The following DCLK2 variants were observed in gnomAD, a reference collection of about 807,000 sequenced individuals.
The protein encoded by DCLK2 is serine/threonine-protein kinase DCLK2.
Under a neutral mutation model 78.4 loss-of-function variants are expected in DCLK2, and 31 were observed. The observed-to-expected ratio is 0.40, with a 90% CI of 0.30 to 0.53. The LOEUF (loss-of-function observed/expected upper bound fraction) is 0.53. DCLK2 is among the 20% of genes least tolerant of loss of function. The pLI, the probability that DCLK2 is intolerant of heterozygous loss-of-function variation, is 0.61. For synonymous variants in DCLK2, 407 were observed against 374.9 expected (o/e 1.09, Z -0.99); for missense variants, 872 against 973.7 (o/e 0.90, Z 1.39).
At chr4:150,094,620 A>G (rs1318114043) in intron 1 of DCLK2, among the ~76,000 whole-genome samples, 4 of 152,232 alleles carry the variant, frequency 2.6e-5, no homozygotes, top group Non-Finnish European at 5.9e-5. Flanking sequence ...TGAGCCTCCC[A>G]AAGTCATTCT....
At chr4:150,187,333 T>A (rs1738031215) in intron 2 of DCLK2, among the ~76,000 whole-genome samples, 1 of 152,094 alleles carries the variant, frequency 6.6e-6, no homozygotes, top group Admixed American at 6.5e-5. Flanking sequence ...ACCCAGCCCA[T>A]TTTATGACTA....
intron 2 of DCLK2, among the ~76,000 whole-genome samples, chr4:150,111,201 G>A (rs1731669915): frequency 6.6e-6 from 1 of 151,976 alleles, no homozygotes; most frequent in Non-Finnish European, 1.5e-5. Context: ...TGGTAGGTAT[G>A]TCATTGTGGT....
intron 2 of DCLK2, among the ~76,000 whole-genome samples, chr4:150,165,897 G>A (rs537437361): frequency 6.6e-6 from 1 of 152,188 alleles, no homozygotes; most frequent in Non-Finnish European, 1.5e-5. Context: ...GGGAGTAGGT[G>A]AGTTATGAGA....
At chr4:150,132,350 A>G (rs1733375625) in intron 2 of DCLK2, among the ~76,000 whole-genome samples, 1 of 152,194 alleles carries the variant, frequency 6.6e-6, no homozygotes, top group Non-Finnish European at 1.5e-5. Context: ...TTCAGTGGGT[A>G]ATGTGGACTG....
At chr4:150,245,970 C>T (rs567837828) in intron 12 of DCLK2, among the ~76,000 whole-genome samples, 9 of 152,086 alleles carry the variant, frequency 5.9e-5, no homozygotes, top group South Asian at 4.2e-4. Context: ...ATGTTTATTG[C>T]GGCACTATTC....
intron 8 of DCLK2, among the ~76,000 whole-genome samples, chr4:150,228,826 A>G (rs1002961987): frequency 6.6e-6 from 1 of 151,910 alleles, no homozygotes; most frequent in Non-Finnish European, 1.5e-5. Flanking sequence ...GGAGATCGAG[A>G]CCATCCTGGC....
chr4:150,172,468 A>G (rs1259933494), intron 2 of DCLK2, among the ~76,000 whole-genome samples: 1 of 151,866 alleles, frequency 6.6e-6, no homozygotes. Context: ...TTAGCCGGGC[A>G]TCATGGCGGG....
intron 2 of DCLK2, among the ~76,000 whole-genome samples, chr4:150,146,917 CTACATTGTCTG>C (rs1234105486): frequency 1.3e-5 from 2 of 151,670 alleles, no homozygotes; most frequent in Non-Finnish European, 2.9e-5. Context: ...TAAGGGTTAT[CTACATTGTCTG>C]TAAGATGGAG....
rs534984513 is a variant in DCLK2 at position 150,253,586 on chromosome 4, G to T, written c.2074-2434G>T. On this transcript the variant is annotated intron_variant, in intron 15 of 15. Coordinates refer to ENST00000296550, the MANE Select transcript of DCLK2 (RefSeq NM_001040260.4). Reference sequence around the variant, plus strand: ...TCACCACGCTGCGTCCGACCAGCGCGCCCCATCCTCAGCCCCTCTCACGCC... The same window carrying T: ...TCACCACGCTGCGTCCGACCAGCGCTCCCCATCCTCAGCCCCTCTCACGCC... 1.0e-5 allele frequency: 13 copies of T among 1,289,034 alleles called. No homozygotes were observed. In the African/African-American group the frequency reaches 1.4e-4, roughly 14 times the overall value. The allele number at this position is 1,289,034 out of a possible 1,614,324, so 79.8% of individuals were successfully genotyped here.
At chr4:150,206,496 C>T (rs1739851696) in intron 5 of DCLK2, among the ~76,000 whole-genome samples, 1 of 152,198 alleles carries the variant, frequency 6.6e-6, no homozygotes, top group Non-Finnish European at 1.5e-5. Context: ...TTCTCCACCA[C>T]TATGCCTGAG....
At chr4:150,172,125 AGTTT>A (rs1736577445) in intron 2 of DCLK2, among the ~76,000 whole-genome samples, 1 of 152,184 alleles carries the variant, frequency 6.6e-6, no homozygotes, top group Non-Finnish European at 1.5e-5. Context: ...TGAGTAACAT[AGTTT>A]GTTCTGAGTC....
At chr4:150,091,543 G>A (rs957960633) in intron 1 of DCLK2, among the ~76,000 whole-genome samples, 6 of 152,046 alleles carry the variant, frequency 3.9e-5, no homozygotes, top group Non-Finnish European at 5.9e-5. Context: ...AGAGTTAGGC[G>A]TAGTCTCAGT....
chr4:150,222,588 G>A (rs928331387), intron 7 of DCLK2, among the ~76,000 whole-genome samples: 1 of 152,034 alleles, frequency 6.6e-6, no homozygotes, highest in Non-Finnish European at 1.5e-5. Context: ...GCTCACACCT[G>A]TAATCCCAGC....
At chr4:150,122,523 T>C in intron 2 of DCLK2, among the ~76,000 whole-genome samples, 1 of 152,080 alleles carries the variant, frequency 6.6e-6, no homozygotes, top group East Asian at 1.9e-4. Flanking sequence ...AAACACCACA[T>C]GTTCTCCCTT....
chr4:150,111,269 G>A (rs970720164), intron 2 of DCLK2, among the ~76,000 whole-genome samples: 1 of 151,024 alleles, frequency 6.6e-6, no homozygotes, highest in African/African-American at 2.5e-5. Flanking sequence ...TATTTTTGTT[G>A]GCCATTTGTA....
At position 150,250,310 on chromosome 4, in the gene DCLK2, TA is replaced by T. The variant is rs1425615076; in HGVS notation, c.2073+629del. 3.9e-5 allele frequency among the ~76,000 whole-genome samples: 6 copies of T among 152,046 alleles called. No homozygotes were observed. In the East Asian group the frequency reaches 1.2e-3, roughly 29 times the overall value. ...TCTTAAGGCAACTCTCCTAAATACA[TA>T]AACACAACAAATTAAAATGAAAAGT... On this transcript the variant is annotated intron_variant, in intron 15 of 15. Coordinates refer to ENST00000296550, the MANE Select transcript of DCLK2 (RefSeq NM_001040260.4).
chr4:150,091,162 T>A (rs77137038), intron 1 of DCLK2, among the ~76,000 whole-genome samples: 6,187 of 152,310 alleles, frequency 0.041, 424 homozygotes, highest in African/African-American at 0.14. Context: ...AACTCATCTG[T>A]GATGTATTTA....
In DCLK2 at chr4:150,078,807, A is replaced by C; in HGVS notation, c.-221A>C. 2.1e-6 allele frequency: 1 copy of C among 479,952 alleles called. No homozygotes were observed. The highest frequency in any genetic ancestry group is 3.5e-6 in the Non-Finnish European group (1 of 288,488). The allele number at this position is 479,952 out of a possible 1,614,324, so 29.7% of individuals were successfully genotyped here. ...AGGCACGGAGCAAGTCGCACTGGAC[A>C]ATGACCTGGGCAGCTCGGCGCTGCG... On this transcript the variant is annotated 5_prime_UTR_variant, in exon 1 of 16. Coordinates refer to ENST00000296550, the MANE Select transcript of DCLK2 (RefSeq NM_001040260.4).
intron 3 of DCLK2, among the ~76,000 whole-genome samples, chr4:150,196,560 A>G (rs1027517919): frequency 4.6e-5 from 7 of 152,178 alleles, no homozygotes; most frequent in African/African-American, 1.7e-4. Flanking sequence ...CTTCCTGCAT[A>G]AATTGAAGTA....
Sources: gnomAD v4.1 joint callset for allele counts (sites outside exome capture counted in the v4.1 genomes callset) on GRCh38, gnomAD v4.1.1 for gene constraint, MANE v1.5 for transcripts, NCBI Gene and HGNC (gene_info 2026-07-23, HGNC 2026-07-21) for gene names.